Variants in CAMK1D observed in about 807,000 individuals in gnomAD.
CAMK1D encodes the protein calcium/calmodulin-dependent protein kinase type 1D.
CAMK1D carries 9 observed loss-of-function variants against 47.7 expected under a neutral mutation model. The observed-to-expected ratio is 0.19, with a 90% CI of 0.11 to 0.33. CAMK1D has a LOEUF of 0.33. CAMK1D is among the 10% of genes least tolerant of loss of function. The probability of loss-of-function intolerance (pLI) is 1.00; values close to 1 mark genes in which losing one functional copy is unlikely to be tolerated. For missense variants in CAMK1D, 291 were observed against 488.7 expected (o/e 0.60, Z 3.81); for synonymous variants, 184 against 184.9 (o/e 0.99, Z 0.04).
chr10:12,437,351 C>T (rs1832666442), intron 1 of CAMK1D, among the ~76,000 whole-genome samples: 1 of 152,138 alleles, frequency 6.6e-6, no homozygotes, highest in Admixed American at 6.5e-5. Context: ...GCTACCACGC[C>T]TGGCTAATTT....
intron 3 of CAMK1D, among the ~76,000 whole-genome samples, chr10:12,694,845 G>T (rs1833199723): frequency 1.3e-5 from 2 of 151,660 alleles, no homozygotes; most frequent in Non-Finnish European, 2.9e-5. Flanking sequence ...AACACAGCGG[G>T]CAAATATTGT....
intron 2 of CAMK1D, 59 bp downstream of exon 2, chr10:12,553,415 G>A (rs1464979409): frequency 1.4e-6 from 2 of 1,432,608 alleles, no homozygotes; most frequent in African/African-American, 2.8e-5. Flanking sequence ...GTGTCCTGCA[G>A]GAGTCCTGCC....
intron 6 of CAMK1D, among the ~76,000 whole-genome samples, chr10:12,807,377 C>G (rs1432417190): frequency 1.3e-5 from 2 of 152,226 alleles, no homozygotes; most frequent in African/African-American, 2.4e-5. Flanking sequence ...AGCCTCACCA[C>G]TGAGTGGAGA....
chr10:12,481,093 G>A (rs1008370023), intron 1 of CAMK1D, among the ~76,000 whole-genome samples: 1 of 152,136 alleles, frequency 6.6e-6, no homozygotes, highest in Non-Finnish European at 1.5e-5. Context: ...AGGATGAGAG[G>A]GGCCTGAATT....
intron 1 of CAMK1D, among the ~76,000 whole-genome samples, chr10:12,387,509 G>T (rs1284756663): frequency 2.3e-5 from 3 of 128,944 alleles, no homozygotes; most frequent in Admixed American, 1.7e-4. Context: ...GTGTATCTCG[G>T]TTGCTTTTTT....
At chr10:12,659,500 A>T (rs1167335159) in intron 2 of CAMK1D, among the ~76,000 whole-genome samples, 1 of 152,144 alleles carries the variant, frequency 6.6e-6, no homozygotes, top group African/African-American at 2.4e-5. Flanking sequence ...AATGAAAGGT[A>T]TTACTTTTAA....
intron 1 of CAMK1D, among the ~76,000 whole-genome samples, chr10:12,353,225 C>T (rs1837403967): frequency 6.6e-6 from 1 of 152,152 alleles, no homozygotes; most frequent in African/African-American, 2.4e-5. Flanking sequence ...CGACAATTAA[C>T]CACTGGCATT....
chr10:12,579,023 C>A (rs946738167), intron 2 of CAMK1D, among the ~76,000 whole-genome samples: 1 of 152,068 alleles, frequency 6.6e-6, no homozygotes, highest in Non-Finnish European at 1.5e-5. Context: ...CCATATGCTT[C>A]AAGGGCATAG....
intron 6 of CAMK1D, among the ~76,000 whole-genome samples, chr10:12,808,821 T>C (rs552916741): frequency 6.6e-6 from 1 of 151,986 alleles, no homozygotes; most frequent in Admixed American, 6.6e-5. Flanking sequence ...TGAAATACTA[T>C]AAGATCCATA....
intron 1 of CAMK1D, among the ~76,000 whole-genome samples, chr10:12,512,427 G>A (rs371193313): frequency 1.3e-5 from 2 of 152,152 alleles, no homozygotes; most frequent in Admixed American, 1.3e-4. Context: ...ATGGAGCCCT[G>A]CTCTGTCGCC....
intron 3 of CAMK1D, among the ~76,000 whole-genome samples, chr10:12,749,708 A>G (rs904972164): frequency 6.6e-6 from 1 of 151,998 alleles, no homozygotes; most frequent in Non-Finnish European, 1.5e-5. Context: ...ACACGTGCCC[A>G]CCACCATGCT....
chr10:12,717,673 G>T (rs890117541), intron 3 of CAMK1D, among the ~76,000 whole-genome samples: 3 of 150,366 alleles, frequency 2.0e-5, no homozygotes, highest in Non-Finnish European at 4.4e-5. Flanking sequence ...ATCACTTAAG[G>T]CCAGGAGTTC....
intron 1 of CAMK1D, among the ~76,000 whole-genome samples, chr10:12,427,344 CAG>C (rs2131981010): frequency 6.6e-6 from 1 of 152,284 alleles, no homozygotes; most frequent in South Asian, 2.1e-4. Context: ...GGTGGCTGCC[CAG>C]AGGGAAGTGG....
chr10:12,546,685 T>G (rs1202279457), intron 1 of CAMK1D, among the ~76,000 whole-genome samples: 2 of 151,952 alleles, frequency 1.3e-5, no homozygotes, highest in Non-Finnish European at 2.9e-5. Flanking sequence ...CTGGAAACCA[T>G]CATTCTCAGC....
At position 12,588,280 on chromosome 10, in the gene CAMK1D, C is replaced by T. The variant is rs367594506; in HGVS notation, c.224+34924C>T. ...AGCTGGTTTGGCCACAGGAAGATGACGAGCTTGTTAAGAATAATGATCGGA... is the reference window on the plus strand; with the variant it reads ...AGCTGGTTTGGCCACAGGAAGATGATGAGCTTGTTAAGAATAATGATCGGA... On this transcript the variant is annotated intron_variant, in intron 2 of 10. Transcript: ENST00000619168. Among the ~76,000 whole-genome samples, 71 of 152,092 alleles carry T rather than the reference C, an allele frequency of 4.7e-4. No individual in the cohort carries two copies. The South Asian group carries it at 0.011, about 24-fold the overall frequency.
chr10:12,489,347 A>G (rs936658488), intron 1 of CAMK1D, among the ~76,000 whole-genome samples: 1 of 152,190 alleles, frequency 6.6e-6, no homozygotes, highest in East Asian at 1.9e-4. Context: ...ATGAAAAGTC[A>G]GCAGTGAGCC....
intron 1 of CAMK1D, among the ~76,000 whole-genome samples, chr10:12,503,766 G>A (rs1200336951): frequency 6.6e-6 from 1 of 152,144 alleles, no homozygotes; most frequent in East Asian, 1.9e-4. Flanking sequence ...TTAGGTCCAT[G>A]GGCTCCTGCA....
At chr10:12,539,233 GT>G (rs1285225765) in intron 1 of CAMK1D, among the ~76,000 whole-genome samples, 1 of 152,018 alleles carries the variant, frequency 6.6e-6, no homozygotes, top group Non-Finnish European at 1.5e-5. Flanking sequence ...TGTAGTAATT[GT>G]TTTACCTATA....
chr10:12,789,375 G>A (rs901892965), intron 5 of CAMK1D, among the ~76,000 whole-genome samples: 3 of 152,192 alleles, frequency 2.0e-5, no homozygotes, highest in African/African-American at 7.2e-5. Context: ...CAAACAGTAC[G>A]TTTGAGTGAA....
Sources: gnomAD v4.1 joint callset for allele counts (sites outside exome capture counted in the v4.1 genomes callset) on GRCh38, gnomAD v4.1.1 for gene constraint, MANE v1.5 for transcripts, NCBI Gene and HGNC (gene_info 2026-07-23, HGNC 2026-07-21) for gene names.